The following AIFM3 variants were observed in gnomAD, a reference collection of about 807,000 sequenced individuals.
AIFM3 encodes AIF family member 3.
A neutral mutation model predicts 82.7 loss-of-function variants in AIFM3; 71 were observed. The observed-to-expected ratio is 0.86, with a 90% CI of 0.71 to 1.05. The LOEUF is 1.05. AIFM3 is among the 50% of genes least tolerant of loss of function. The pLI, the probability that AIFM3 is intolerant of heterozygous loss-of-function variation, is 0.00. For synonymous variants in AIFM3, 337 were observed against 329.1 expected (o/e 1.02, Z -0.26); for missense variants, 748 against 816.7 (o/e 0.92, Z 1.03).
At chr22:20,977,253 G>A in intron 14 of AIFM3, 158 bp downstream of exon 14, 2 of 1,057,648 alleles carry the variant, frequency 1.9e-6, no homozygotes, top group South Asian at 1.5e-5. Flanking sequence ...GGAGCTGTTG[G>A]GGAAGGTATG....
At chr22:20,971,311 G>T (rs1923248663) in intron 2 of AIFM3, among the ~76,000 whole-genome samples, 1 of 152,218 alleles carries the variant, frequency 6.6e-6, no homozygotes, top group Non-Finnish European at 1.5e-5. Flanking sequence ...TGATACGATG[G>T]CCTCAGTGTG....
At chr22:20,973,549 G>T in intron 3 of AIFM3, 29 bp downstream of exon 3, 3 of 1,591,226 alleles carry the variant, frequency 1.9e-6, no homozygotes, top group South Asian at 2.2e-5. Flanking sequence ...TGGGAGCGGG[G>T]ATCAGGGGTC....
At chr22:20,977,338 C>A in intron 14 of AIFM3, 1 of 617,448 alleles carries the variant, frequency 1.6e-6, no homozygotes. Context: ...TCTCCATGCC[C>A]TGCGAGAGTT....
rs2147932939 is a variant in AIFM3, at chr22:20,967,806, TC to T, written c.-137del. 5 of 880,282 alleles carry T rather than the reference TC, an allele frequency of 5.7e-6. No individual in the cohort carries two copies. The South Asian group carries it at 6.9e-5, about 12-fold the overall frequency. The allele number at this position is 880,282 out of a possible 1,614,324, so 54.5% of individuals were successfully genotyped here. A position where few individuals can be genotyped will look rare whatever the true frequency, so the allele number is the denominator to read the frequency against. On this transcript the variant is annotated splice_region_variant and 5_prime_UTR_variant, in exon 2 of 21. Coordinates refer to ENST00000440238, the MANE Select transcript of AIFM3 (RefSeq NM_001386814.1). ...TGATGGCTCCAGTCTCCCCTGCAGG[TC>T]CTAGAGCAGCTCCAGCAGGATGGCG...
chr22:20,979,511 C>T, intron 17 of AIFM3, 116 bp from the exon 18 acceptor site: 3 of 1,479,956 alleles, frequency 2.0e-6, no homozygotes, highest in African/African-American at 1.4e-5. Flanking sequence ...GGCAAGGCTA[C>T]GAACTACCTA....
At chr22:20,967,374 G>A (rs2147932296) in intron 1 of AIFM3, 71 bp downstream of exon 1, 1 of 154,162 alleles carries the variant, frequency 6.5e-6, no homozygotes, top group East Asian at 1.9e-4. Flanking sequence ...CATTGTAGGA[G>A]GGAGAAGACC....
Position 20,974,694 on chromosome 22 carries a change from C to G in AIFM3, c.608-10C>G, listed in dbSNP as rs1181753331. ...GAAGTGGTTCCTGGCCCACGGGCCC[C>G]TCCCCTCAGGTGCAGCTGGCCTGGT... On this transcript the variant is annotated splice_polypyrimidine_tract_variant and intron_variant, in intron 7 of 20. Coordinates refer to ENST00000440238, the MANE Select transcript of AIFM3 (RefSeq NM_001386814.1). 1 of 1,613,984 alleles carries G rather than the reference C, an allele frequency of 6.2e-7. No homozygotes were observed. Among genetic ancestry groups the G allele is most frequent in the East Asian group, 2.2e-5 (1 of 44,884 alleles).
rs375039875 is a variant in AIFM3 at position 20,974,817 on chromosome 22, G to A, written c.720+1G>A. 3.2e-5 allele frequency: 51 copies of A among 1,612,032 alleles called. No individual in the cohort carries two copies. Among genetic ancestry groups the A allele is most frequent in the Non-Finnish European group, 4.1e-5 (48 of 1,179,788 alleles). On this transcript the variant is annotated splice_donor_variant, in intron 8 of 20. Transcript: ENST00000440238. LOFTEE classifies it high-confidence loss of function. ...CTACGACCGTCCCAAGCTCAGCAAG[G>A]TACAGGGGGTGGGGCAAGTAGGGAC... is the stretch of plus-strand genomic sequence containing the variant.
Position 20,967,799 on chromosome 22 carries a change from C to A in AIFM3, c.-140-6C>A. The A allele has an allele frequency of 1.2e-6, 1 of 823,892 alleles. No individual in the cohort carries two copies. The allele number at this position is 823,892 out of a possible 1,614,324, so 51.0% of individuals were successfully genotyped here. On this transcript the variant is annotated splice_region_variant and splice_polypyrimidine_tract_variant and intron_variant, in intron 1 of 20. Coordinates refer to ENST00000440238, the MANE Select transcript of AIFM3 (RefSeq NM_001386814.1). ...CCGGTCCTGATGGCTCCAGTCTCCC[C>A]TGCAGGTCCTAGAGCAGCTCCAGCA... is the stretch of plus-strand genomic sequence containing the variant.
intron 14 of AIFM3, 25 bp from the exon 15 acceptor site, chr22:20,977,675 T>C (rs1923779800): frequency 6.2e-7 from 1 of 1,612,910 alleles, no homozygotes. Flanking sequence ...GACAGGGGAG[T>C]GGACACAGGC....
chr22:20,969,257 C>CG (rs1923116146), intron 2 of AIFM3, among the ~76,000 whole-genome samples: 1 of 152,170 alleles, frequency 6.6e-6, no homozygotes, highest in South Asian at 2.1e-4. Context: ...CTTCCAGTGT[C>CG]GGGGGTGGCC....
intron 11 of AIFM3, 32 bp from the exon 12 acceptor site, chr22:20,976,619 G>A (rs751028058): frequency 1.1e-5 from 17 of 1,612,222 alleles, no homozygotes; most frequent in Admixed American, 1.0e-4. Context: ...GAAGGTGCAG[G>A]TGCCAGCCTG....
At chr22:20,980,596 C>A in intron 19 of AIFM3, 151 bp from the exon 20 acceptor site, 1 of 926,854 alleles carries the variant, frequency 1.1e-6, no homozygotes, top group Non-Finnish European at 1.8e-6. Flanking sequence ...AGAGAGCTCC[C>A]AGGGACTGGG....
At chr22:20,969,180 A>C (rs1184365708) in intron 2 of AIFM3, among the ~76,000 whole-genome samples, 2 of 152,172 alleles carry the variant, frequency 1.3e-5, no homozygotes, top group East Asian at 3.9e-4. Flanking sequence ...CTGGCAGAAG[A>C]TGCCACCTGC....
At chr22:20,979,917 G>A (rs1923975984) in intron 18 of AIFM3, 103 bp from the exon 19 acceptor site, 2 of 1,215,906 alleles carry the variant, frequency 1.6e-6, no homozygotes, top group Non-Finnish European at 1.2e-6. Context: ...GTTGCCCTGG[G>A]GTAGGTCCTT....
Position 20,979,307 on chromosome 22 carries a change from C to T in AIFM3, c.1514C>T (p.Ala505Val). ...GCCCAGAACATGTTGGCGCAGGAGG[C>T]GGAGATGAGCACTGTGCCCTACCTC... ...VAAQNMLAQEAEMSTVPYLWT... is the reference protein window; with the variant it reads ...VAAQNMLAQEVEMSTVPYLWT... Residue 505 changes from alanine (A) to valine (V), a missense_variant, in exon 17 of 21, where the codon GCG becomes GTG. By Grantham distance (64) the Ala-to-Val change is moderately conservative. Transcript: ENST00000440238. The T allele has an allele frequency of 6.4e-7, 1 of 1,560,472 alleles. No homozygotes were observed. Among genetic ancestry groups the T allele is most frequent in the East Asian group, 2.4e-5 (1 of 41,678 alleles).
rs143682848 is a variant in AIFM3, at chr22:20,977,963, C to T, written c.1435C>T (p.Arg479Cys). The change falls in exon 16 of 21, where the codon CGC becomes TGC. Residue 479 changes from arginine to cysteine, a missense_variant. By Grantham distance (180) the Arg-to-Cys change is radical (BLOSUM62 -3). Coordinates refer to ENST00000440238, the MANE Select transcript of AIFM3 (RefSeq NM_001386814.1). ...VTFPLAWRNN[R>C]KVNIPHWQMA... Reference sequence around the variant, plus strand: ...CTTCCCCCTTGCCTGGAGGAACAACCGCAAAGTGAACATTCCACATTGGCA... The same window carrying T: ...CTTCCCCCTTGCCTGGAGGAACAACTGCAAAGTGAACATTCCACATTGGCA... The T allele has an allele frequency of 7.2e-5, 116 of 1,614,024 alleles. 1 individual carries two copies. The highest frequency in any genetic ancestry group is 2.8e-4 in the African/African-American group (21 of 74,908).
chr22:20,974,638 T>C lies in AIFM3; in HGVS notation c.607+17T>C. 1 of 1,613,444 alleles carries C rather than the reference T, an allele frequency of 6.2e-7. No individual in the cohort carries two copies. The highest frequency in any genetic ancestry group is 8.5e-7 in the Non-Finnish European group (1 of 1,179,756). On this transcript the variant is annotated intron_variant, in intron 7 of 20. Transcript: ENST00000440238. The stretch of plus-strand genomic sequence containing the variant: ...TGGGTGCAGGTTGGTAGTGGGGTCA[T>C]GAGGGGCAGGGTGGGAGATGGGATT...
At position 20,976,636 on chromosome 22, in the gene AIFM3, C is replaced by T. The variant is rs1403298839; in HGVS notation, c.1031-15C>T. 1 of 1,611,354 alleles carries T rather than the reference C, an allele frequency of 6.2e-7. No individual in the cohort carries two copies. Among genetic ancestry groups the T allele is most frequent in the Non-Finnish European group, 8.5e-7 (1 of 1,178,744 alleles). ...AGGTGCAGGTGCCAGCCTGCCACCC[C>T]CTGCCCATCACCAGGGATGGAGGTG... On this transcript the variant is annotated splice_polypyrimidine_tract_variant and intron_variant, in intron 11 of 20. Coordinates refer to ENST00000440238, the MANE Select transcript of AIFM3 (RefSeq NM_001386814.1).
Sources: gnomAD v4.1 joint callset for allele counts (sites outside exome capture counted in the v4.1 genomes callset) on GRCh38, gnomAD v4.1.1 for gene constraint, MANE v1.5 for transcripts, NCBI Gene and HGNC (gene_info 2026-07-23, HGNC 2026-07-21) for gene names.